Variants in ADSS1 observed in about 807,000 individuals in gnomAD.
ADSS1 encodes the protein adenylosuccinate synthetase isozyme 1.
In ADSS1, 57 loss-of-function variants were observed where a neutral mutation model predicts 59.1. The ratio of observed to expected loss-of-function variants is 0.97; its 90% CI spans 0.78 to 1.20. ADSS1 has a LOEUF of 1.20. ADSS1 is among the 50% of genes most tolerant of loss of function. The pLI, the probability that ADSS1 is intolerant of heterozygous loss-of-function variation, is 0.00. For synonymous variants in ADSS1, 247 were observed against 249.4 expected, an observed-to-expected ratio of 0.99 and a Z score of 0.09; for missense variants, 603 against 610.3, an observed-to-expected ratio of 0.99 and a Z score of 0.13.
chr14:104,741,701 C>A, intron 8 of ADSS1, 147 bp from the exon 9 acceptor site: 1 of 963,284 alleles, frequency 1.0e-6, no homozygotes, highest in Non-Finnish European at 1.5e-6. Flanking sequence ...GGCCACTCCA[C>A]CAGGACAGGC....
intron 5 of ADSS1, 133 bp downstream of exon 5, chr14:104,739,949 C>T (rs1891278364): frequency 9.3e-6 from 9 of 964,308 alleles, no homozygotes; most frequent in Non-Finnish European, 1.3e-5. Context: ...GAGAATGGCA[C>T]CGTCAAAATT....
In ADSS1 at chr14:104,741,203, G is replaced by C. The variant is rs1891336762; in HGVS notation, c.753G>C (p.Leu251=). 6.2e-7 allele frequency: 1 copy of C among 1,610,888 alleles called. No individual in the cohort carries two copies. Among genetic ancestry groups the C allele is most frequent in the Non-Finnish European group, 8.5e-7 (1 of 1,178,672 alleles). The change falls in exon 8 of 13, where the codon CTG becomes CTC. Residue 251 remains leucine (L), a synonymous_variant. Transcript: ENST00000330877. ...TCCACGGCCCCCCCAAGAAGATCCTGGTGGAGGGTGCCAACGCCGCCCTCC... is the reference window on the plus strand; with the variant it reads ...TCCACGGCCCCCCCAAGAAGATCCTCGTGGAGGGTGCCAACGCCGCCCTCC... ...EALHGPPKKI[L]VEGANAALLD...
chr14:104,744,359 CTT>C (rs917321353), intron 10 of ADSS1: 5 of 156,986 alleles, frequency 3.2e-5, no homozygotes, highest in Non-Finnish European at 7.0e-5. Flanking sequence ...CTTAATCTCT[CTT>C]TTCCACTCAG....
chr14:104,736,881 G>GATATATATAT (rs57122419), intron 2 of ADSS1, among the ~76,000 whole-genome samples: 2,737 of 106,016 alleles, frequency 0.026, 54 homozygotes, highest in Non-Finnish European at 0.039. Context: ...GCACCTAGCT[G>GATATATATAT]ATATATATAT....
intron 1 of ADSS1, among the ~76,000 whole-genome samples, chr14:104,728,013 C>G (rs1375955058): frequency 6.6e-6 from 1 of 152,212 alleles, no homozygotes; most frequent in African/African-American, 2.4e-5. Flanking sequence ...CAGTGTCCAG[C>G]CAGCAGACGG....
In ADSS1 at chr14:104,746,278, C is replaced by T. The variant is rs779075124; in HGVS notation, c.1214C>T (p.Thr405Met). Reference protein sequence around the residue: ...MLQKVEVEYETLPGWKADTTG... With the variant: ...MLQKVEVEYEMLPGWKADTTG... ...CAGAAGGTCGAAGTTGAGTATGAAA[C>T]GCTGCCTGGGTGGAAAGCAGACACC... The change falls in exon 12 of 13, where the codon ACG becomes ATG. Residue 405 changes from threonine (T) to methionine (M), a missense_variant. Thr to Met is a moderately conservative substitution (Grantham distance 81). Coordinates refer to ENST00000330877, the MANE Select transcript of ADSS1 (RefSeq NM_152328.5). 7.4e-6 allele frequency: 12 copies of T among 1,613,494 alleles called. No homozygotes were observed. Among genetic ancestry groups the T allele is most frequent in the African/African-American group, 2.7e-5 (2 of 74,924 alleles).
intron 1 of ADSS1, among the ~76,000 whole-genome samples, chr14:104,733,674 C>T (rs561764708): frequency 1.1e-4 from 17 of 152,250 alleles, no homozygotes; most frequent in African/African-American, 4.1e-4. Context: ...CATGCGTAGA[C>T]AAGTTGAGGG....
At position 104,741,237 on chromosome 14, in the gene ADSS1, G is replaced by T; in HGVS notation, c.787G>T (p.Asp263Tyr). The T allele has an allele frequency of 6.3e-7, 1 of 1,593,890 alleles. No homozygotes were observed. The change falls in exon 8 of 13, where the codon GAC (aspartate) becomes TAC (tyrosine). Residue 263 changes from aspartate (D) to tyrosine (Y), a missense_variant. Asp to Tyr is a radical substitution (Grantham distance 160, BLOSUM62 -3). Transcript: ENST00000330877. ...EGANAALLDI[D>Y]FGTYPFVTSS... ...TGCCAACGCCGCCCTCCTCGACATT[G>T]ACTTCGGTATGTCCGGGAGGGTGTG...
rs759493680 is a variant in ADSS1 at position 104,730,064 on chromosome 14, C to A, written c.193-4956C>A. On this transcript the variant is annotated intron_variant, in intron 1 of 12. Coordinates refer to ENST00000330877, the MANE Select transcript of ADSS1 (RefSeq NM_152328.5). ...CCACTCCGTGCCAGCTCAGCCCACC[C>A]CTCACCTTCCCAGTGCCTGTGGAGG... is the stretch of plus-strand genomic sequence containing the variant. 1.9e-5 allele frequency: 29 copies of A among 1,564,820 alleles called. No individual in the cohort carries two copies. Among genetic ancestry groups the A allele is most frequent in the Non-Finnish European group, 2.5e-5 (29 of 1,154,610 alleles).
At chr14:104,731,787 C>T (rs1313417867) in intron 1 of ADSS1, among the ~76,000 whole-genome samples, 8 of 152,320 alleles carry the variant, frequency 5.3e-5, no homozygotes, top group Non-Finnish European at 8.8e-5. Flanking sequence ...AGAGTGAGTG[C>T]GGCTGCCCTG....
intron 4 of ADSS1, 44 bp downstream of exon 4, chr14:104,739,422 C>T: frequency 6.3e-7 from 1 of 1,577,284 alleles, no homozygotes; most frequent in Non-Finnish European, 8.6e-7. Flanking sequence ...CTCCTGCCCC[C>T]ACCATTGCCA....
intron 1 of ADSS1, among the ~76,000 whole-genome samples, chr14:104,733,730 C>A (rs527366832): frequency 6.6e-6 from 1 of 152,114 alleles, no homozygotes; most frequent in African/African-American, 2.4e-5. Context: ...TGGATCTGGG[C>A]TCTGGGGTCC....
chr14:104,741,911 T>TC lies in ADSS1; in HGVS notation c.863dup (p.Gln289AlafsTer5). 4 of 1,613,364 alleles carry TC rather than the reference T, an allele frequency of 2.5e-6. No individual in the cohort carries two copies. The highest frequency in any genetic ancestry group is 1.7e-5 in the Admixed American group (1 of 60,018). Reference sequence around the variant, plus strand: ...GGCGGTGTGTGCACGGGCCTGGGCATCCCCCCGCAGAACATAGGTGACGTG... The same window carrying TC: ...GGCGGTGTGTGCACGGGCCTGGGCATCCCCCCCGCAGAACATAGGTGACGTG... On this transcript the variant is annotated frameshift_variant, in exon 9 of 13. Transcript: ENST00000330877. LOFTEE classifies it high-confidence loss of function.
chr14:104,736,838 C>T (rs1595203302), intron 2 of ADSS1, among the ~76,000 whole-genome samples: 2 of 148,084 alleles, frequency 1.4e-5, no homozygotes, highest in East Asian at 3.9e-4. Flanking sequence ...GCCTCTGTCT[C>T]CCAAGTAGCC....
rs376923979 is a variant in ADSS1 at position 104,738,381 on chromosome 14, G to A, written c.301G>A (p.Gly101Arg). Residue 101 changes from glycine (G) to arginine (R), a missense_variant, in exon 3 of 13, where the codon GGG becomes AGG. Coordinates refer to ENST00000330877, the MANE Select transcript of ADSS1 (RefSeq NM_152328.5). ...NTKAVSFIGNGVVIHLPGLFE... is the reference protein window; with the variant it reads ...NTKAVSFIGNRVVIHLPGLFE... ...TGCCTCTGTCTCTCATGCAGGCAAC[G>A]GGGTGGTCATCCACTTGCCAGGCTT... 71 of 1,613,662 alleles carry A rather than the reference G, an allele frequency of 4.4e-5. No individual in the cohort carries two copies. The highest frequency in any genetic ancestry group is 5.3e-5 in the Non-Finnish European group (63 of 1,179,758).
intron 1 of ADSS1, among the ~76,000 whole-genome samples, chr14:104,734,534 G>A (rs148771471): frequency 2.0e-3 from 299 of 152,382 alleles, no homozygotes; most frequent in African/African-American, 6.8e-3. Flanking sequence ...GGAGCCTGTG[G>A]CTGGGTGTTT....
At chr14:104,743,528 C>T (rs928032206) in intron 10 of ADSS1, 12 of 265,528 alleles carry the variant, frequency 4.5e-5, no homozygotes, top group South Asian at 2.2e-4. Flanking sequence ...GCTAGAAGGA[C>T]GGCAGCATGG....
At position 104,746,334 on chromosome 14, in the gene ADSS1, C is replaced by G. The variant is rs1405124042; in HGVS notation, c.1270C>G (p.Pro424Ala). 3 of 1,613,704 alleles carry G rather than the reference C, an allele frequency of 1.9e-6. No homozygotes were observed. The highest frequency in any genetic ancestry group is 2.5e-6 in the Non-Finnish European group (3 of 1,179,972). ...TGARRWEDLPPQAQNYIRFVE... is the reference protein window; with the variant it reads ...TGARRWEDLPAQAQNYIRFVE... The stretch of plus-strand genomic sequence containing the variant: ...CGCCAGGAGGTGGGAGGACCTGCCC[C>G]CACAGGCCCAGAACTACATCCGCTT... The change falls in exon 12 of 13, where the codon CCA becomes GCA. Residue 424 changes from proline (P) to alanine (A), a missense_variant. By Grantham distance (27) the Pro-to-Ala change is conservative. Transcript: ENST00000330877.
chr14:104,732,820 A>G (rs1294484107), intron 1 of ADSS1, among the ~76,000 whole-genome samples: 2 of 152,212 alleles, frequency 1.3e-5, no homozygotes, highest in Non-Finnish European at 2.9e-5. Context: ...AAGGCAGCAG[A>G]TGCAGTCGTG....
Sources: gnomAD v4.1 joint callset for allele counts (sites outside exome capture counted in the v4.1 genomes callset) on GRCh38, gnomAD v4.1.1 for gene constraint, MANE v1.5 for transcripts, NCBI Gene and HGNC (gene_info 2026-07-23, HGNC 2026-07-21) for gene names.